Variants in GLG1 observed in about 807,000 individuals in gnomAD.
The protein encoded by GLG1 is golgi glycoprotein 1.
Under a neutral mutation model 160.5 loss-of-function variants are expected in GLG1, and 38 were observed. The ratio of observed to expected loss-of-function variants is 0.24; its 90% confidence interval spans 0.18 to 0.31. The LOEUF (loss-of-function observed/expected upper bound fraction) is 0.31, where lower values mean the gene tolerates loss of function less well. Among genes scored for constraint, GLG1 ranks in the 10% least tolerant of loss-of-function variants. The pLI, the probability that GLG1 is intolerant of heterozygous loss-of-function variation, is 1.00. For synonymous variants in GLG1, 644 were observed against 543.4 expected (o/e 1.19, Z -2.57); for missense variants, 1,373 against 1,505.2 (o/e 0.91, Z 1.45).
chr16:74,598,647 C>T (rs9928181), intron 1 of GLG1, among the ~76,000 whole-genome samples: 107,880 of 151,848 alleles, frequency 0.71, 38,967 homozygotes, highest in African/African-American at 0.83. Flanking sequence ...AATCCCAACA[C>T]TTTGGGAGAC....
chr16:74,603,666 T>C (rs1958496887), intron 1 of GLG1, among the ~76,000 whole-genome samples: 1 of 151,852 alleles, frequency 6.6e-6, no homozygotes, highest in Admixed American at 6.6e-5. Flanking sequence ...CTACTGGCCA[T>C]TTCAACCAAG....
intron 2 of GLG1, among the ~76,000 whole-genome samples, chr16:74,515,231 T>A (rs7195730): frequency 6.6e-6 from 1 of 152,046 alleles, no homozygotes; most frequent in South Asian, 2.1e-4. Context: ...ATAATAGACA[T>A]ATCAACGAGA....
At chr16:74,479,276 G>C (rs1388702748) in intron 11 of GLG1, among the ~76,000 whole-genome samples, 1 of 145,958 alleles carries the variant, frequency 6.9e-6, no homozygotes, top group East Asian at 2.0e-4. Flanking sequence ...TATGTTATGT[G>C]AATTTCACCT....
intron 2 of GLG1, among the ~76,000 whole-genome samples, chr16:74,523,312 A>G (rs1808467328): frequency 6.6e-6 from 1 of 152,164 alleles, no homozygotes; most frequent in African/African-American, 2.4e-5. Flanking sequence ...TCAAGTATCC[A>G]TTTATGTATG....
At chr16:74,453,530 C>A (rs2014408935) in intron 25 of GLG1, among the ~76,000 whole-genome samples, 196 bp from the exon 26 acceptor site, 1 of 152,186 alleles carries the variant, frequency 6.6e-6, no homozygotes, top group African/African-American at 2.4e-5. Flanking sequence ...GTCTACTGCA[C>A]AAAATTAGAA....
chr16:74,543,608 G>A (rs1465214832), intron 1 of GLG1, among the ~76,000 whole-genome samples: 1 of 151,948 alleles, frequency 6.6e-6, no homozygotes, highest in East Asian at 1.9e-4. Context: ...ACAGTTGGTA[G>A]AAAAAAGGTA....
At chr16:74,535,821 G>C (rs2017672118) in intron 1 of GLG1, among the ~76,000 whole-genome samples, 1 of 152,164 alleles carries the variant, frequency 6.6e-6, no homozygotes, top group South Asian at 2.1e-4. Context: ...TTAGGTCTTT[G>C]AGATTCATGG....
At chr16:74,536,763 T>C (rs1479200790) in intron 1 of GLG1, among the ~76,000 whole-genome samples, 1 of 152,158 alleles carries the variant, frequency 6.6e-6, no homozygotes, top group Non-Finnish European at 1.5e-5. Context: ...ATGTATCTAC[T>C]GGGGGAATGG....
At position 74,491,048 on chromosome 16, in the gene GLG1, C is replaced by T. The variant is rs755046655; in HGVS notation, c.1402G>A (p.Val468Ile). ...AGGTTCCCCTTCTCCCCTCGAACTA[C>T]TTTCATCAGACAGTGTAGGGTCCGC... ...KGRTLHCLMK[V>I]VRGEKGNLGM... The change falls in exon 8 of 26, where the codon GTA becomes ATA. Residue 468 changes from valine (V) to isoleucine (I), a missense_variant. Coordinates refer to ENST00000422840, the MANE Select transcript of GLG1 (RefSeq NM_001145667.2). The T allele has an allele frequency of 1.9e-6, 3 of 1,614,214 alleles. No individual in the cohort carries two copies. The East Asian group carries it at 6.7e-5, about 36-fold the overall frequency.
chr16:74,453,453 G>C (rs968775136), intron 25 of GLG1, 119 bp from the exon 26 acceptor site: 4 of 646,750 alleles, frequency 6.2e-6, no homozygotes, highest in Non-Finnish European at 1.1e-5. Flanking sequence ...TGGAGAGGGA[G>C]GGCAGGAGAT....
chr16:74,511,771 C>A (rs1317851786), intron 2 of GLG1, among the ~76,000 whole-genome samples: 1 of 152,070 alleles, frequency 6.6e-6, no homozygotes, highest in Non-Finnish European at 1.5e-5. Context: ...TTTCCGCCAA[C>A]AGACGTTTAG....
At position 74,606,986 on chromosome 16, in the gene GLG1, T is replaced by C. The variant is rs1425362539; in HGVS notation, c.109A>G (p.Ser37Gly). The C allele has an allele frequency of 6.2e-7, 1 of 1,607,448 alleles. No individual in the cohort carries two copies. Among genetic ancestry groups the C allele is most frequent in the South Asian group, 1.1e-5 (1 of 90,612 alleles). Residue 37 changes from serine to glycine, a missense_variant, in exon 1 of 26, where the codon AGC (serine) becomes GGC (glycine). Physicochemically the swap from Ser to Gly is moderately conservative, Grantham distance 56. This residue lies in a region of GLG1 where 322 missense variants were observed against 254.6 expected (regional missense o/e 1.26). Transcript: ENST00000422840. ...TTGGCCCCGGGACCCTGGCCCTGGCTGTGGACGCCCTGGCCGGGGAGTTTC... is the reference window on the plus strand; with the variant it reads ...TTGGCCCCGGGACCCTGGCCCTGGCCGTGGACGCCCTGGCCGGGGAGTTTC... ...AEKLPGQGVHSQGQGPGANFV... is the reference protein window; with the variant it reads ...AEKLPGQGVHGQGQGPGANFV...
At chr16:74,505,633 C>A (rs2016569665) in intron 3 of GLG1, among the ~76,000 whole-genome samples, 1 of 151,814 alleles carries the variant, frequency 6.6e-6, no homozygotes, top group East Asian at 1.9e-4. Context: ...GGCAGGTGGA[C>A]TGCCGGAGCT....
chr16:74,551,245 CA>C (rs2018190021), intron 1 of GLG1, among the ~76,000 whole-genome samples: 1 of 152,088 alleles, frequency 6.6e-6, no homozygotes. Flanking sequence ...CCTGAGCTGG[CA>C]AAATGGGTTT....
At chr16:74,519,330 T>C (rs2017084836) in intron 2 of GLG1, among the ~76,000 whole-genome samples, 1 of 151,530 alleles carries the variant, frequency 6.6e-6, no homozygotes, top group Admixed American at 6.6e-5. Flanking sequence ...CACTGGGGCC[T>C]TTTGGGGGTG....
chr16:74,582,383 CT>C (rs1415385306), intron 1 of GLG1, among the ~76,000 whole-genome samples: 2 of 152,046 alleles, frequency 1.3e-5, no homozygotes, highest in Non-Finnish European at 2.9e-5. Flanking sequence ...TCAGGCTGGT[CT>C]TGAACTCCTG....
At chr16:74,538,705 C>T (rs2017750858) in intron 1 of GLG1, among the ~76,000 whole-genome samples, 1 of 148,668 alleles carries the variant, frequency 6.7e-6, no homozygotes, top group Admixed American at 6.9e-5. Context: ...AGTTACTGTA[C>T]AGGTCCAACG....
At chr16:74,468,776 A>G (rs1367948776) in intron 17 of GLG1, 170 bp downstream of exon 17, 15 of 606,396 alleles carry the variant, frequency 2.5e-5, no homozygotes, top group Non-Finnish European at 4.2e-5. Flanking sequence ...TTCAAAATCA[A>G]AAGAATGACA....
chr16:74,503,506 T>A (rs201340974), intron 4 of GLG1, 25 bp downstream of exon 4: 1 of 1,468,852 alleles, frequency 6.8e-7, no homozygotes, highest in East Asian at 2.3e-5. Flanking sequence ...GACCCCTTTG[T>A]TGAAGCTAAC....
Sources: allele counts gnomAD v4.1 joint callset (sites outside exome capture counted in the v4.1 genomes callset), GRCh38; gene constraint gnomAD v4.1.1; regional missense constraint gnomAD v4.1.1; transcripts MANE v1.5; gene names NCBI Gene and HGNC (gene_info 2026-07-23, HGNC 2026-07-21).